Variants in ZBTB8A observed in about 807,000 individuals in gnomAD.
The protein encoded by ZBTB8A is zinc finger and BTB domain-containing protein 8A.
In ZBTB8A, 19 loss-of-function variants were observed where a neutral mutation model predicts 37.8. That is an observed-to-expected ratio of 0.50 (90% CI 0.35 to 0.74). ZBTB8A has a LOEUF of 0.74. Ranked by LOEUF, ZBTB8A falls within the 30% of genes least tolerant of loss-of-function variation. The pLI is 0.01. For synonymous variants in ZBTB8A, 181 were observed against 185.2 expected (o/e 0.98, Z 0.19); for missense variants, 394 against 537.8 (o/e 0.73, Z 2.65).
chr1:32,544,263 T>A (rs184929071), intron 1 of ZBTB8A, among the ~76,000 whole-genome samples: 225 of 152,388 alleles, frequency 1.5e-3, no homozygotes, highest in African/African-American at 5.2e-3. Context: ...TAGAATGTAC[T>A]TACACAAACC....
At chr1:32,581,861 G>A (rs1644409386) in intron 2 of ZBTB8A, among the ~76,000 whole-genome samples, 1 of 152,040 alleles carries the variant, frequency 6.6e-6, no homozygotes, top group South Asian at 2.1e-4. Context: ...TGCCAGCAGA[G>A]GAAATGCCAG....
chr1:32,593,417 A>G lies in ZBTB8A; in HGVS notation c.486A>G (p.Pro162=). Residue 162 remains proline (P), a synonymous_variant, in exon 3 of 5, where the codon CCA becomes CCG. Transcript: ENST00000373510. ...SGGWQEGSSS[P]RSHLSPEQGT... ...GCTGGCAAGAAGGAAGCAGTTCTCC[A>G]CGTTCTCACCTAAGCCCAGAGCAAG... is the stretch of plus-strand genomic sequence containing the variant. 1 of 1,614,036 alleles carries G rather than the reference A, an allele frequency of 6.2e-7. No homozygotes were observed. The highest frequency in any genetic ancestry group is 8.5e-7 in the Non-Finnish European group (1 of 1,180,030).
At chr1:32,581,369 G>T (rs1222469698) in intron 2 of ZBTB8A, among the ~76,000 whole-genome samples, 2 of 132,596 alleles carry the variant, frequency 1.5e-5, no homozygotes, top group Non-Finnish European at 3.1e-5. Context: ...TATTTTTTTT[G>T]AGATAGAGTT....
At chr1:32,589,202 C>G (rs1032785168) in intron 2 of ZBTB8A, among the ~76,000 whole-genome samples, 2 of 151,988 alleles carry the variant, frequency 1.3e-5, no homozygotes, top group African/African-American at 4.8e-5. Flanking sequence ...GTTTTTGAGA[C>G]AGAGTCTTGT....
At chr1:32,582,643 A>C (rs72652189) in intron 2 of ZBTB8A, among the ~76,000 whole-genome samples, 11,358 of 147,260 alleles carry the variant, frequency 0.077, 397 homozygotes, top group African/African-American at 0.1. Flanking sequence ...AACTCTCTCA[A>C]AAAAAAAAAA....
intron 2 of ZBTB8A, among the ~76,000 whole-genome samples, chr1:32,590,855 CACTT>C (rs1644482600): frequency 6.6e-6 from 1 of 152,038 alleles, no homozygotes; most frequent in Admixed American, 6.6e-5. Flanking sequence ...TCTTTCTTAG[CACTT>C]GTCATTGTAA....
At chr1:32,554,001 A>G (rs1199600362) in intron 2 of ZBTB8A, among the ~76,000 whole-genome samples, 3 of 151,780 alleles carry the variant, frequency 2.0e-5, no homozygotes, top group Non-Finnish European at 2.9e-5. Flanking sequence ...GGAGTTTGAG[A>G]CCAATCTGGC....
chr1:32,542,699 G>C (rs765087530), intron 1 of ZBTB8A, among the ~76,000 whole-genome samples: 1 of 152,106 alleles, frequency 6.6e-6, no homozygotes, highest in African/African-American at 2.4e-5. Context: ...GAACTTAATG[G>C]TTCCTAAAAT....
At chr1:32,565,994 G>A (rs1644275682) in intron 2 of ZBTB8A, among the ~76,000 whole-genome samples, 1 of 151,780 alleles carries the variant, frequency 6.6e-6, no homozygotes, top group Admixed American at 6.6e-5. Context: ...GACGTCAGGA[G>A]ATCGAGACCA....
At chr1:32,599,955 T>C in intron 4 of ZBTB8A, 132 bp from the exon 5 acceptor site, 1 of 673,732 alleles carries the variant, frequency 1.5e-6, no homozygotes, top group South Asian at 2.2e-5. Flanking sequence ...TTGATCTTTC[T>C]CTAAATAATA....
At chr1:32,573,615 G>C (rs1186153661) in intron 2 of ZBTB8A, among the ~76,000 whole-genome samples, 1 of 148,300 alleles carries the variant, frequency 6.7e-6, no homozygotes, top group East Asian at 2.1e-4. Flanking sequence ...TGTATTTTTT[G>C]TAGAGACAGG....
rs192801590 is a variant in ZBTB8A at position 32,585,588 on chromosome 1, C to T, written c.-1-7343C>T. Among the ~76,000 whole-genome samples, 79 of 152,090 alleles carry T rather than the reference C, an allele frequency of 5.2e-4. 1 individual carries two copies. Among genetic ancestry groups the T allele is most frequent in the African/African-American group, 1.8e-3 (75 of 41,444 alleles). On this transcript the variant is annotated intron_variant, in intron 2 of 4. Transcript: ENST00000373510. ...TACCATGTTCACGGATGGTGAGACT[C>T]AACATTATAAAGATGTGAATTCTCC...
chr1:32,554,022 A>G (rs1476524106), intron 2 of ZBTB8A, among the ~76,000 whole-genome samples: 2 of 151,990 alleles, frequency 1.3e-5, no homozygotes, highest in African/African-American at 4.8e-5. Context: ...CAACATGGCA[A>G]AACCCCATCT....
At chr1:32,585,007 A>G (rs1302958974) in intron 2 of ZBTB8A, among the ~76,000 whole-genome samples, 2 of 149,336 alleles carry the variant, frequency 1.3e-5, no homozygotes, top group Non-Finnish European at 3.0e-5. Context: ...ATAATTATCT[A>G]CGAAGAATGT....
At position 32,539,514 on chromosome 1, in the gene ZBTB8A, A is replaced by G. The variant is rs1644030004; in HGVS notation, c.-142A>G. On this transcript the variant is annotated 5_prime_UTR_variant, in exon 1 of 5. Transcript: ENST00000373510. ...TCGAAAGGGGGTCCTTCCCCAGCCG[A>G]GAACCAGGAATCTTCCCTCGGCCCG... The G allele has an allele frequency of 6.6e-6, 1 of 151,928 alleles. No individual in the cohort carries two copies. Among genetic ancestry groups the G allele is most frequent in the Non-Finnish European group, 1.5e-5 (1 of 67,822 alleles). 9.4% of individuals were successfully genotyped at this position (151,928 alleles called of 1,614,324 possible).
chr1:32,543,903 C>A (rs772235150), intron 1 of ZBTB8A, among the ~76,000 whole-genome samples: 3 of 152,136 alleles, frequency 2.0e-5, no homozygotes, highest in Admixed American at 6.6e-5. Flanking sequence ...GTCTCGGTCT[C>A]CTGACCTCAT....
intron 2 of ZBTB8A, among the ~76,000 whole-genome samples, chr1:32,590,955 G>A (rs1472268404): frequency 1.3e-5 from 2 of 151,272 alleles, no homozygotes; most frequent in African/African-American, 4.9e-5. Flanking sequence ...GTGCAGTGGT[G>A]CAATCTCAAC....
At chr1:32,587,865 G>C (rs942380570) in intron 2 of ZBTB8A, among the ~76,000 whole-genome samples, 1 of 152,046 alleles carries the variant, frequency 6.6e-6, no homozygotes, top group African/African-American at 2.4e-5. Context: ...CCCAGCCTCT[G>C]GGGAGGAGAG....
intron 4 of ZBTB8A, among the ~76,000 whole-genome samples, chr1:32,597,991 T>C (rs1413486791): frequency 6.6e-6 from 1 of 151,420 alleles, no homozygotes; most frequent in African/African-American, 2.4e-5. Flanking sequence ...TGGCCTCAAG[T>C]GATCCACCCA....
Sources: allele counts gnomAD v4.1 joint callset (sites outside exome capture counted in the v4.1 genomes callset), GRCh38; gene constraint gnomAD v4.1.1; transcripts MANE v1.5; gene names NCBI Gene and HGNC (gene_info 2026-07-23, HGNC 2026-07-21).